ENPP6: variants seen among roughly 807,000 people sequenced by gnomAD.
The protein encoded by ENPP6 is ectonucleotide pyrophosphatase/phosphodiesterase 6.
In ENPP6, 32 loss-of-function variants were observed where a neutral mutation model predicts 42.0. That is an observed-to-expected ratio of 0.76 (90% CI 0.58 to 1.02). ENPP6 has a LOEUF of 1.02. Ranked by LOEUF, ENPP6 falls within the 50% of genes least tolerant of loss-of-function variation. The pLI is 0.00. For missense variants in ENPP6, 552 were observed against 566.8 expected (o/e 0.97, Z 0.27); for synonymous variants, 213 against 216.0 (o/e 0.99, Z 0.12).
At chr4:184,161,903 G>A (rs1046653077) in intron 1 of ENPP6, among the ~76,000 whole-genome samples, 1 of 152,070 alleles carries the variant, frequency 6.6e-6, no homozygotes, top group Admixed American at 6.5e-5. Flanking sequence ...GGGGGTGAGG[G>A]ACAAAAGACT....
chr4:184,111,224 A>C (rs182701276), intron 6 of ENPP6, among the ~76,000 whole-genome samples: 1 of 152,198 alleles, frequency 6.6e-6, no homozygotes, highest in Non-Finnish European at 1.5e-5. Flanking sequence ...GTAATGACGG[A>C]TGCAAATAGC....
At chr4:184,194,663 A>T (rs1436387682) in intron 1 of ENPP6, among the ~76,000 whole-genome samples, 6 of 152,198 alleles carry the variant, frequency 3.9e-5, no homozygotes, top group African/African-American at 7.2e-5. Context: ...CAGACCAGGG[A>T]GGAAAAAGAA....
rs754469609 is a variant in ENPP6 at position 184,117,865 on chromosome 4, T to C, written c.569A>G (p.Glu190Gly). Reference protein sequence around the residue: ...GRADLAAIYHERIDVEGHHYG... With the variant: ...GRADLAAIYHGRIDVEGHHYG... ...GTGGTGGCCTTCCACGTCAATGCGC[T>C]CATGGTATATGGCTGCCAGGTCGGC... is the stretch of plus-strand genomic sequence containing the variant. Residue 190 changes from glutamate (E) to glycine (G), a missense_variant, in exon 4 of 8, where the codon GAG (glutamate) becomes GGG (glycine). Glu to Gly is a moderately conservative substitution (Grantham distance 98, BLOSUM62 -2). Around this residue, in one of 2 missense-constraint regions of ENPP6, gnomAD observed 545 missense variants for 546.3 expected, o/e 1.00. Coordinates refer to ENST00000296741, the MANE Select transcript of ENPP6 (RefSeq NM_153343.4). 11 of 1,614,212 alleles carry C rather than the reference T, an allele frequency of 6.8e-6. No individual in the cohort carries two copies. The highest frequency in any genetic ancestry group is 3.3e-5 in the Admixed American group (2 of 60,034).
At chr4:184,107,758 A>G (rs963099893) in intron 6 of ENPP6, among the ~76,000 whole-genome samples, 1 of 152,114 alleles carries the variant, frequency 6.6e-6, no homozygotes, top group African/African-American at 2.4e-5. Flanking sequence ...TACTAAAAAT[A>G]CAAAAAATTA....
chr4:184,101,303 CTTGTGTGTGT>C (rs768842227), intron 6 of ENPP6, among the ~76,000 whole-genome samples: 2,047 of 89,738 alleles, frequency 0.023, 48 homozygotes, highest in African/African-American at 0.075. Flanking sequence ...TGTGTGTGAG[CTTGTGTGTGT>C]GTGTGTGTGT....
chr4:184,127,343 A>G (rs957808683), intron 2 of ENPP6, among the ~76,000 whole-genome samples: 1 of 152,186 alleles, frequency 6.6e-6, no homozygotes, highest in Non-Finnish European at 1.5e-5. Context: ...ATATGGTAGA[A>G]TTCTAAAAGT....
At chr4:184,214,905 G>T (rs1394410602) in intron 1 of ENPP6, among the ~76,000 whole-genome samples, 1 of 152,106 alleles carries the variant, frequency 6.6e-6, no homozygotes, top group Non-Finnish European at 1.5e-5. Flanking sequence ...TCTAGATGAC[G>T]AGTTGACAGG....
intron 6 of ENPP6, among the ~76,000 whole-genome samples, chr4:184,112,032 A>G (rs1412628851): frequency 6.6e-6 from 1 of 152,100 alleles, no homozygotes; most frequent in Non-Finnish European, 1.5e-5. Context: ...TCCTAAAATA[A>G]CCCATGCTGT....
At chr4:184,212,017 AG>A (rs1249576204) in intron 1 of ENPP6, among the ~76,000 whole-genome samples, 57 of 150,072 alleles carry the variant, frequency 3.8e-4, no homozygotes, top group South Asian at 4.2e-4. Flanking sequence ...ATGCAGAAAA[AG>A]CCTTTGACAA....
At chr4:184,185,300 G>A (rs1003223534) in intron 1 of ENPP6, among the ~76,000 whole-genome samples, 14 of 152,208 alleles carry the variant, frequency 9.2e-5, no homozygotes, top group Admixed American at 9.2e-4. Flanking sequence ...GATTTGCATA[G>A]GTTTTGAATG....
chr4:184,186,063 T>C (rs1051631696), intron 1 of ENPP6, among the ~76,000 whole-genome samples: 2 of 152,226 alleles, frequency 1.3e-5, no homozygotes, highest in South Asian at 2.1e-4. Context: ...GAAACCTATA[T>C]TTCTCAGTGA....
intron 7 of ENPP6, 83 bp downstream of exon 7, chr4:184,097,162 G>A: frequency 6.3e-7 from 1 of 1,578,040 alleles, no homozygotes; most frequent in Non-Finnish European, 8.6e-7. Flanking sequence ...AATCCCTGCA[G>A]CCTCTCCTGG....
chr4:184,110,872 G>A (rs1323165863), intron 6 of ENPP6, among the ~76,000 whole-genome samples: 1 of 152,140 alleles, frequency 6.6e-6, no homozygotes, highest in African/African-American at 2.4e-5. Context: ...GATGCCTTGA[G>A]GTCTCCCAGC....
At chr4:184,120,406 C>T (rs1020041303) in intron 3 of ENPP6, among the ~76,000 whole-genome samples, 7 of 152,234 alleles carry the variant, frequency 4.6e-5, no homozygotes, top group African/African-American at 1.4e-4. Flanking sequence ...CAGCCTATGG[C>T]TGTGCCCACT....
At chr4:184,101,392 G>A (rs1478061095) in intron 6 of ENPP6, among the ~76,000 whole-genome samples, 1 of 151,134 alleles carries the variant, frequency 6.6e-6, no homozygotes, top group African/African-American at 2.4e-5. Flanking sequence ...ATCAGGATGA[G>A]GAGTCCACAC....
intron 2 of ENPP6, among the ~76,000 whole-genome samples, chr4:184,140,049 T>C (rs1038150165): frequency 6.7e-6 from 1 of 148,806 alleles, no homozygotes; most frequent in Non-Finnish European, 1.5e-5. Context: ...TGATTGCCAT[T>C]CTAACTGGGG....
chr4:184,208,393 G>A (rs1170988441), intron 1 of ENPP6, among the ~76,000 whole-genome samples: 1 of 152,232 alleles, frequency 6.6e-6, no homozygotes, highest in Non-Finnish European at 1.5e-5. Flanking sequence ...CACCCTGCGC[G>A]AGCCGAAGCG....
At position 184,127,923 on chromosome 4, in the gene ENPP6, G is replaced by A. The variant is rs115890409; in HGVS notation, c.422-3651C>T. Among the ~76,000 whole-genome samples the A allele has an allele frequency of 3.8e-3, 577 of 152,184 alleles. 7 individuals are homozygous for A. Among genetic ancestry groups the A allele is most frequent in the African/African-American group, 0.013 (537 of 41,484 alleles). On this transcript the variant is annotated intron_variant, in intron 2 of 7. Transcript: ENST00000296741. ...GAAATTGGGAGAGAGTGCCAGGGAA[G>A]GAAGAGAAAGCATTTTCATTGTTGA...
At chr4:184,134,423 A>G (rs1457637346) in intron 2 of ENPP6, among the ~76,000 whole-genome samples, 1 of 152,182 alleles carries the variant, frequency 6.6e-6, no homozygotes, top group East Asian at 1.9e-4. Flanking sequence ...TAAAACTGAT[A>G]CAGAAGTATT....
Sources: gnomAD v4.1 joint callset for allele counts (sites outside exome capture counted in the v4.1 genomes callset) on GRCh38, gnomAD v4.1.1 for gene constraint, gnomAD v4.1.1 regional missense constraint, MANE v1.5 for transcripts, NCBI Gene and HGNC (gene_info 2026-07-23, HGNC 2026-07-21) for gene names.